KRAS: variants seen among roughly 807,000 people sequenced by gnomAD.
KRAS encodes KRas proto-oncogene, GTPase, also known as GTPase KRas.
A neutral mutation model predicts 21.0 loss-of-function variants in KRAS; 1 was observed. The ratio of observed to expected loss-of-function variants is 0.05; its 90% CI spans 0.02 to 0.23. The LOEUF (loss-of-function observed/expected upper bound fraction) is 0.23. Ranked by LOEUF, KRAS falls within the 10% of genes least tolerant of loss-of-function variation. The pLI is 1.00. For synonymous variants in KRAS, 67 were observed against 72.5 expected (o/e 0.92, Z 0.39); for missense variants, 107 against 221.8 (o/e 0.48, Z 3.29).
intron 2 of KRAS, chr12:25,235,306 C>G: frequency 2.1e-6 from 1 of 479,400 alleles, no homozygotes; most frequent in South Asian, 3.4e-5. Flanking sequence ...TATTTAAATT[C>G]ACTGTAGAAT....
intron 2 of KRAS, chr12:25,234,114 A>ATGAAGCTG: frequency 5.7e-6 from 1 of 175,008 alleles, no homozygotes; most frequent in Non-Finnish European, 1.2e-5. Flanking sequence ...TATCAAGACA[A>ATGAAGCTG]TGAAGCTGTT....
At chr12:25,245,181 G>T (rs776858818) in intron 2 of KRAS, 93 bp downstream of exon 2, 4 of 1,302,474 alleles carry the variant, frequency 3.1e-6, no homozygotes, top group Non-Finnish European at 1.1e-6. Context: ...TAATTATCTT[G>T]TAATAAGTAC....
chr12:25,209,963 G>A, intron 4 of KRAS, 52 bp from the exon 5 acceptor site: 2 of 1,364,104 alleles, frequency 1.5e-6, no homozygotes, highest in Non-Finnish European at 2.0e-6. Flanking sequence ...GGCTTCATGT[G>A]TACAGGTAAC....
intron 4 of KRAS, chr12:25,215,261 A>G (rs949244260): frequency 1.3e-6 from 1 of 760,874 alleles, no homozygotes; most frequent in Non-Finnish European, 1.6e-6. Flanking sequence ...TGTCTCAATT[A>G]TAATTAATTC....
At position 25,219,368 on chromosome 12, in the gene KRAS, C is replaced by T. The variant is rs527961547; in HGVS notation, c.450+6246G>A. Among the ~76,000 whole-genome samples the T allele has an allele frequency of 2.0e-5, 3 of 152,292 alleles. No homozygotes were observed. In the South Asian group the frequency reaches 6.2e-4, roughly 32 times the overall value. ...TTTTTTAAAATCAAGAGATTGACAA[C>T]ATTTTCAACTCAACTATTATCTGAA... On this transcript the variant is annotated intron_variant, in intron 4 of 4. Coordinates refer to ENST00000311936, the MANE Select transcript of KRAS (RefSeq NM_004985.5).
rs1274233278 is a variant in KRAS, at chr12:25,209,171, T to C, written c.*624A>G. The C allele has an allele frequency of 1.5e-6, 1 of 662,126 alleles. No homozygotes were observed. The highest frequency in any genetic ancestry group is 2.7e-6 in the Non-Finnish European group (1 of 369,360). 41.0% of individuals were successfully genotyped at this position (662,126 alleles called of 1,614,324 possible). ...AATAGTTTCCATTGCCTTGTAATTT[T>C]TTTCCATTTTTTTCTTTTTATAGAA... On this transcript the variant is annotated 3_prime_UTR_variant, in exon 5 of 5. Coordinates refer to ENST00000311936, the MANE Select transcript of KRAS (RefSeq NM_004985.5).
chr12:25,215,692 T>C (rs1951247751), intron 4 of KRAS: 2 of 722,942 alleles, frequency 2.8e-6, no homozygotes, highest in Non-Finnish European at 4.8e-6. Flanking sequence ...TCAGACTGTT[T>C]GAATAAAACT....
rs757674707 is a variant in KRAS, at chr12:25,209,884, C to T, written c.478G>A (p.Val160Ile). The T allele has an allele frequency of 1.2e-6, 2 of 1,610,972 alleles. No individual in the cohort carries two copies. Among genetic ancestry groups the T allele is most frequent in the Non-Finnish European group, 8.5e-7 (1 of 1,177,848 alleles). ...TCTTTATGTTTTCGAATTTCTCGAACTAATGTATAGAAGGCATCATCAACA... is the reference window on the plus strand; with the variant it reads ...TCTTTATGTTTTCGAATTTCTCGAATTAATGTATAGAAGGCATCATCAACA... ...QGVDDAFYTL[V>I]REIRKHKEKM... is the part of the protein sequence containing the mutation. The change falls in exon 5 of 5, where the codon GTT (valine) becomes ATT (isoleucine). Residue 160 changes from valine (V) to isoleucine (I), a missense_variant. Val to Ile is a conservative substitution (Grantham distance 29). This residue lies in a region of KRAS where 65 missense variants were observed against 82.3 expected (regional missense o/e 0.79). Coordinates refer to ENST00000311936, the MANE Select transcript of KRAS (RefSeq NM_004985.5).
At chr12:25,228,565 T>C (rs1319227500) in intron 2 of KRAS, among the ~76,000 whole-genome samples, 2 of 151,848 alleles carry the variant, frequency 1.3e-5, no homozygotes, top group East Asian at 3.9e-4. Flanking sequence ...AATAGGCAAA[T>C]TCAAAAAGAC....
At chr12:25,236,838 T>G (rs1334791698) in intron 2 of KRAS, among the ~76,000 whole-genome samples, 1 of 152,124 alleles carries the variant, frequency 6.6e-6, no homozygotes, top group East Asian at 1.9e-4. Flanking sequence ...CACTTGGCAG[T>G]TCCTCAAAAA....
chr12:25,232,341 G>GACCC (rs1951484754), intron 2 of KRAS, among the ~76,000 whole-genome samples: 1 of 152,116 alleles, frequency 6.6e-6, no homozygotes, highest in Non-Finnish European at 1.5e-5. Flanking sequence ...TTGTGACAAA[G>GACCC]ACCCATATGG....
intron 2 of KRAS, among the ~76,000 whole-genome samples, chr12:25,245,011 C>T (rs1053801196): frequency 2.0e-5 from 3 of 152,154 alleles, no homozygotes; most frequent in African/African-American, 7.2e-5. Flanking sequence ...ATACAAATTT[C>T]TACCCTCTCA....
At position 25,246,914 on chromosome 12, in the gene KRAS, C is replaced by CAAA. The variant is rs60777057; in HGVS notation, c.-11-1522_-11-1520dup. Among the ~76,000 whole-genome samples, 352 of 142,524 alleles carry CAAA rather than the reference C, an allele frequency of 2.5e-3. 2 individuals are homozygous for CAAA. The highest frequency in any genetic ancestry group is 8.5e-3 in the African/African-American group (327 of 38,688). The allele number at this position is 142,524 out of a possible 152,430, so 93.5% of individuals were successfully genotyped here. A position where few individuals can be genotyped will look rare whatever the true frequency, so the allele number is the denominator to read the frequency against. On this transcript the variant is annotated intron_variant, in intron 1 of 4. Coordinates refer to ENST00000311936, the MANE Select transcript of KRAS (RefSeq NM_004985.5). ...CCTGGGCGACAGAGCCACTCCGTCT[C>CAAA]AAAAAAAAAAAAAGATGCAAGTGAA... is the stretch of plus-strand genomic sequence containing the variant.
rs1398209108 is a variant in KRAS, at chr12:25,205,273, CAAT to C, written c.*4519_*4521del. 2.8e-5 allele frequency: 6 copies of C among 214,552 alleles called. No individual in the cohort carries two copies. Among genetic ancestry groups the C allele is most frequent in the East Asian group, 1.4e-4 (2 of 14,330 alleles). 13.3% of individuals were successfully genotyped at this position (214,552 alleles called of 1,614,324 possible). On this transcript the variant is annotated 3_prime_UTR_variant, in exon 5 of 5. Coordinates refer to ENST00000311936, the MANE Select transcript of KRAS (RefSeq NM_004985.5). The stretch of plus-strand genomic sequence containing the variant: ...CACTGTAACTATTTTTATTACATTA[CAAT>C]AATTAGGAGTAGTACAGTTCATGAC...
chr12:25,243,627 A>C (rs1043387558), intron 2 of KRAS, among the ~76,000 whole-genome samples: 4 of 152,158 alleles, frequency 2.6e-5, no homozygotes, highest in Admixed American at 6.5e-5. Flanking sequence ...AGTGTAATGG[A>C]ATTTCTCAGA....
chr12:25,245,587 C>T (rs569070361), intron 1 of KRAS, among the ~76,000 whole-genome samples, 192 bp from the exon 2 acceptor site: 1 of 152,180 alleles, frequency 6.6e-6, no homozygotes, highest in Non-Finnish European at 1.5e-5. Context: ...ATGAACTGTA[C>T]TTCATTTACA....
At chr12:25,213,346 TAGG>T (rs1305932426) in intron 4 of KRAS, among the ~76,000 whole-genome samples, 20 of 152,244 alleles carry the variant, frequency 1.3e-4, no homozygotes, top group Admixed American at 1.2e-3. Context: ...GGTGAGACAA[TAGG>T]AGGAGAAAAT....
chr12:25,227,246 A>G lies in KRAS; in HGVS notation c.278T>C (p.Ile93Thr). 6.2e-7 allele frequency: 1 copy of G among 1,612,514 alleles called. No individual in the cohort carries two copies. The change falls in exon 3 of 5, where the codon ATT (isoleucine) becomes ACT (threonine). Residue 93 changes from isoleucine to threonine, a missense_variant. By Grantham distance (89) the Ile-to-Thr change is moderately conservative. This residue lies in a region of KRAS where 42 missense variants were observed against 139.4 expected (regional missense o/e 0.30). Transcript: ENST00000311936. ...AATTTAAACCCACCTATAATGGTGA[A>G]TATCTTCAAATGATTTAGTATTATT... ...AINNTKSFEDIHHYREQIKRV... is the reference protein window; with the variant it reads ...AINNTKSFEDTHHYREQIKRV...
intron 1 of KRAS, among the ~76,000 whole-genome samples, chr12:25,245,793 G>C (rs1276929432): frequency 1.3e-5 from 2 of 152,120 alleles, no homozygotes; most frequent in African/African-American, 4.8e-5. Flanking sequence ...CCTCACAAAA[G>C]TTGCTGACAG....
Sources: gnomAD v4.1 joint callset for allele counts (sites outside exome capture counted in the v4.1 genomes callset) on GRCh38, gnomAD v4.1.1 for gene constraint, gnomAD v4.1.1 regional missense constraint, MANE v1.5 for transcripts, NCBI Gene and HGNC (gene_info 2026-07-23, HGNC 2026-07-21) for gene names.